Variants in KCNIP4 observed in about 807,000 individuals in gnomAD.
The protein encoded by KCNIP4 is potassium voltage-gated channel interacting protein 4.
Under a neutral mutation model 34.0 loss-of-function variants are expected in KCNIP4, and 12 were observed. The ratio of observed to expected loss-of-function variants is 0.35; its 90% confidence interval spans 0.23 to 0.57. The LOEUF is 0.57. Among genes scored for constraint, KCNIP4 ranks in the 20% least tolerant of loss-of-function variants. The pLI, the probability that KCNIP4 is intolerant of heterozygous loss-of-function variation, is 0.83. For missense variants in KCNIP4, 238 were observed against 311.7 expected, an observed-to-expected ratio of 0.76 and a Z score of 1.78; for synonymous variants, 124 against 102.2, an observed-to-expected ratio of 1.21 and a Z score of -1.29.
chr4:21,770,424 A>G (rs947468074), intron 1 of KCNIP4, among the ~76,000 whole-genome samples: 3 of 152,076 alleles, frequency 2.0e-5, no homozygotes, highest in Admixed American at 6.6e-5. Flanking sequence ...TACCGTGTGC[A>G]TGTGTCTTTA....
chr4:21,412,290 C>A (rs1172927010), intron 1 of KCNIP4, among the ~76,000 whole-genome samples: 2 of 152,180 alleles, frequency 1.3e-5, no homozygotes, highest in Admixed American at 1.3e-4. Context: ...GATCCCATTG[C>A]ATCTCATGAA....
chr4:21,672,150 G>A (rs1011931225), intron 1 of KCNIP4, among the ~76,000 whole-genome samples: 1 of 152,138 alleles, frequency 6.6e-6, no homozygotes, highest in Non-Finnish European at 1.5e-5. Context: ...AGAGCTAGGC[G>A]AGGAATAGCA....
chr4:21,464,040 T>C (rs1729703353), intron 1 of KCNIP4, among the ~76,000 whole-genome samples: 2 of 152,042 alleles, frequency 1.3e-5, no homozygotes, highest in Admixed American at 6.6e-5. Flanking sequence ...TTTTTATTTC[T>C]GTAAGGTTGG....
chr4:21,760,650 CT>C (rs35864174), intron 1 of KCNIP4, among the ~76,000 whole-genome samples: 4,064 of 152,140 alleles, frequency 0.027, 172 homozygotes, highest in African/African-American at 0.092. Context: ...GTTTTCTCCT[CT>C]GTAAATCAAG....
chr4:20,856,924 T>C (rs1178011919), intron 2 of KCNIP4, among the ~76,000 whole-genome samples: 1 of 152,114 alleles, frequency 6.6e-6, no homozygotes, highest in Non-Finnish European at 1.5e-5. Flanking sequence ...GGCAGCAATC[T>C]GAGCTGTGCT....
chr4:21,326,469 T>C (rs1715067043), intron 1 of KCNIP4, among the ~76,000 whole-genome samples: 2 of 151,772 alleles, frequency 1.3e-5, no homozygotes. Flanking sequence ...TTCGTACCTT[T>C]TTTTTTCAGT....
intron 1 of KCNIP4, among the ~76,000 whole-genome samples, chr4:21,084,572 G>A (rs1170332602): frequency 6.8e-6 from 1 of 147,674 alleles, no homozygotes; most frequent in Admixed American, 6.9e-5. Context: ...CACCGGTTCT[G>A]CCATACTGGG....
intron 1 of KCNIP4, among the ~76,000 whole-genome samples, chr4:21,142,717 T>A (rs768569142): frequency 6.6e-6 from 1 of 152,098 alleles, no homozygotes; most frequent in Non-Finnish European, 1.5e-5. Flanking sequence ...CTGACGCAAA[T>A]TGGGTGTTGG....
At chr4:21,644,687 T>C (rs941468953) in intron 1 of KCNIP4, among the ~76,000 whole-genome samples, 3 of 152,188 alleles carry the variant, frequency 2.0e-5, no homozygotes, top group African/African-American at 7.2e-5. Context: ...AATTCTCCAA[T>C]AGTTGTCTCA....
chr4:20,889,122 T>C (rs751173800), intron 1 of KCNIP4, among the ~76,000 whole-genome samples: 1 of 152,100 alleles, frequency 6.6e-6, no homozygotes, highest in Non-Finnish European at 1.5e-5. Flanking sequence ...TTTAGAGATA[T>C]CTGGGTTTTT....
At chr4:21,529,447 C>T (rs1736487182) in intron 1 of KCNIP4, among the ~76,000 whole-genome samples, 1 of 152,182 alleles carries the variant, frequency 6.6e-6, no homozygotes, top group South Asian at 2.1e-4. Context: ...AAAGTTCACA[C>T]TACAGCTGAG....
At chr4:21,348,146 T>C (rs1344038727) in intron 1 of KCNIP4, among the ~76,000 whole-genome samples, 2 of 152,198 alleles carry the variant, frequency 1.3e-5, no homozygotes, top group African/African-American at 2.4e-5. Flanking sequence ...TTCAGGAGTA[T>C]TGAGCTTGAC....
At chr4:21,358,856 T>A (rs12503488) in intron 1 of KCNIP4, among the ~76,000 whole-genome samples, 1 of 151,936 alleles carries the variant, frequency 6.6e-6, no homozygotes, top group Non-Finnish European at 1.5e-5. Context: ...ACCTATGACC[T>A]GGAAGACCCT....
Position 21,252,129 on chromosome 4 carries a change from G to GTT in KCNIP4, c.62-369422_62-369421dup, listed in dbSNP as rs61183224. ...ATTTAAGTAACATGAATGAGGTTTT[G>GTT]TTTTTTTTTTTTTTTTTGAGACAGA... is the stretch of plus-strand genomic sequence containing the variant. On this transcript the variant is annotated intron_variant, in intron 1 of 8. Transcript: ENST00000382152. Among the ~76,000 whole-genome samples the GTT allele has an allele frequency of 2.2e-4, 25 of 112,868 alleles. 1 individual carries two copies. Among genetic ancestry groups the GTT allele is most frequent in the South Asian group, 8.7e-4 (3 of 3,466 alleles). 74.0% of individuals were successfully genotyped at this position (112,868 alleles called of 152,430 possible). A position where few individuals can be genotyped will look rare whatever the true frequency, so the allele number is the denominator to read the frequency against.
intron 1 of KCNIP4, among the ~76,000 whole-genome samples, chr4:21,278,759 G>T (rs1011437150): frequency 2.0e-5 from 3 of 152,146 alleles, no homozygotes; most frequent in African/African-American, 7.2e-5. Context: ...GGGCAGAGGG[G>T]AGATGGGGAA....
chr4:21,158,211 C>T lies in KCNIP4; in HGVS notation c.62-275502G>A, dbSNP rs150903119. 5.8e-3 allele frequency among the ~76,000 whole-genome samples: 880 copies of T among 152,080 alleles called. 4 individuals carry two copies. The highest frequency in any genetic ancestry group is 0.037 in the Middle Eastern group (11 of 294). ...TTCTAGGCCCAGATGGTTTTGCCTTCGATTCTACCAAACATACAACGGGGA... is the reference window on the plus strand; with the variant it reads ...TTCTAGGCCCAGATGGTTTTGCCTTTGATTCTACCAAACATACAACGGGGA... On this transcript the variant is annotated intron_variant, in intron 1 of 8. Coordinates refer to ENST00000382152, the MANE Select transcript of KCNIP4 (RefSeq NM_025221.6).
chr4:21,825,954 T>C (rs188204216), intron 1 of KCNIP4, among the ~76,000 whole-genome samples: 2 of 152,248 alleles, frequency 1.3e-5, no homozygotes, highest in African/African-American at 4.8e-5. Flanking sequence ...AATAAAAAGA[T>C]AGAGCCGGTC....
intron 1 of KCNIP4, among the ~76,000 whole-genome samples, chr4:21,005,004 C>A (rs748474076): frequency 7.9e-5 from 12 of 151,954 alleles, no homozygotes; most frequent in Non-Finnish European, 1.6e-4. Context: ...TGTGGAGGGA[C>A]CAATAAGGTG....
intron 1 of KCNIP4, among the ~76,000 whole-genome samples, chr4:21,870,396 A>G (rs1725717479): frequency 6.6e-6 from 1 of 152,168 alleles, no homozygotes. Context: ...CGTATGCACA[A>G]CTAGACTCAG....
Sources: allele counts gnomAD v4.1 joint callset (sites outside exome capture counted in the v4.1 genomes callset), GRCh38; gene constraint gnomAD v4.1.1; transcripts MANE v1.5; gene names NCBI Gene and HGNC (gene_info 2026-07-23, HGNC 2026-07-21).